The following WASF2 variants were observed in gnomAD, a reference collection of about 807,000 sequenced individuals.
WASF2 encodes the protein actin-binding protein WASF2.
A neutral mutation model predicts 45.0 loss-of-function variants in WASF2; 14 were observed. The ratio of observed to expected loss-of-function variants is 0.31; its 90% confidence interval spans 0.21 to 0.49. WASF2 has a LOEUF of 0.49. Among genes scored for constraint, WASF2 ranks in the 20% least tolerant of loss-of-function variants. The pLI is 0.99. For missense variants in WASF2, 439 were observed against 636.1 expected (o/e 0.69, Z 3.33); for synonymous variants, 200 against 236.3 (o/e 0.85, Z 1.41).
intron 1 of WASF2, among the ~76,000 whole-genome samples, chr1:27,482,280 A>T (rs2017862090): frequency 6.6e-6 from 1 of 152,238 alleles, no homozygotes; most frequent in African/African-American, 2.4e-5. Flanking sequence ...GCCCAGAGGA[A>T]TTAAGGACCA....
At chr1:27,427,546 C>T (rs2236034) in intron 2 of WASF2, among the ~76,000 whole-genome samples, 7,589 of 152,206 alleles carry the variant, frequency 0.05, 717 homozygotes, top group East Asian at 0.37. Flanking sequence ...TTGTGTAAGA[C>T]AGGCACTGGC....
chr1:27,435,956 T>C (rs1366690100), intron 1 of WASF2, among the ~76,000 whole-genome samples: 1 of 152,238 alleles, frequency 6.6e-6, no homozygotes. Context: ...CAGTTCCTCT[T>C]TGAAACATAC....
intron 1 of WASF2, among the ~76,000 whole-genome samples, chr1:27,452,430 T>A (rs750330495): frequency 1.3e-5 from 2 of 152,128 alleles, no homozygotes; most frequent in Non-Finnish European, 2.9e-5. Context: ...GGAGAATCGC[T>A]TGAACCAGGG....
intron 1 of WASF2, among the ~76,000 whole-genome samples, chr1:27,488,467 A>AG (rs2017977070): frequency 6.6e-6 from 1 of 152,194 alleles, no homozygotes; most frequent in African/African-American, 2.4e-5. Context: ...CCTCTGATGG[A>AG]GGAGAAGAAG....
chr1:27,442,191 T>C (rs1237489734), intron 1 of WASF2, among the ~76,000 whole-genome samples: 2 of 151,554 alleles, frequency 1.3e-5, no homozygotes, highest in Non-Finnish European at 2.9e-5. Flanking sequence ...TACAAAAAAA[T>C]TTTAAAATAT....
In WASF2 at chr1:27,407,455, G is replaced by A. The variant is rs1412418029; in HGVS notation, c.*734C>T. 1 of 152,678 alleles carries A rather than the reference G, an allele frequency of 6.5e-6. No homozygotes were observed. The highest frequency in any genetic ancestry group is 1.5e-5 in the Non-Finnish European group (1 of 68,102). 9.5% of individuals were successfully genotyped at this position (152,678 alleles called of 1,614,324 possible). A position where few individuals can be genotyped will look rare whatever the true frequency, so the allele number is the denominator to read the frequency against. Reference sequence around the variant, plus strand: ...TCATGGATACTAGAGGTTAAAACTGGGCTGTGTTGCCTGAAGGTATCTAGA... The same window carrying A: ...TCATGGATACTAGAGGTTAAAACTGAGCTGTGTTGCCTGAAGGTATCTAGA... On this transcript the variant is annotated 3_prime_UTR_variant, in exon 9 of 9. Transcript: ENST00000618852.
Position 27,470,191 on chromosome 1 carries a change from G to C in WASF2, c.-44+19795C>G, listed in dbSNP as rs1031508803. ...ATTATTGCGCCTGTAGTGGGAAACAGAGCTGGAAAGACAAGTAGGGGCTAG... is the reference window on the plus strand; with the variant it reads ...ATTATTGCGCCTGTAGTGGGAAACACAGCTGGAAAGACAAGTAGGGGCTAG... On this transcript the variant is annotated intron_variant, in intron 1 of 8. Coordinates refer to ENST00000618852, the MANE Select transcript of WASF2 (RefSeq NM_006990.5). 4.2e-4 allele frequency among the ~76,000 whole-genome samples: 64 copies of C among 152,246 alleles called. 4 individuals are homozygous for C. The highest frequency in any genetic ancestry group is 1.5e-5 in the Non-Finnish European group (1 of 68,044).
chr1:27,418,889 CAG>C, intron 3 of WASF2, 63 bp downstream of exon 3: 4 of 1,513,326 alleles, frequency 2.6e-6, no homozygotes, highest in Non-Finnish European at 3.6e-6. Flanking sequence ...TTAAATAAAT[CAG>C]GGAAAAAAAA....
At chr1:27,416,141 G>A in intron 4 of WASF2, 39 bp from the exon 5 acceptor site, 1 of 1,554,284 alleles carries the variant, frequency 6.4e-7, no homozygotes, top group South Asian at 1.1e-5. Context: ...TCAGTAGACA[G>A]ATGAGCTCCC....
At chr1:27,441,880 T>C (rs1259240052) in intron 1 of WASF2, among the ~76,000 whole-genome samples, 1 of 149,106 alleles carries the variant, frequency 6.7e-6, no homozygotes, top group Non-Finnish European at 1.5e-5. Flanking sequence ...GAGCCAAGAT[T>C]GTGCCACTGC....
intron 1 of WASF2, among the ~76,000 whole-genome samples, chr1:27,463,977 G>GTCAGGC (rs1160466010): frequency 2.0e-5 from 3 of 151,362 alleles, no homozygotes; most frequent in Non-Finnish European, 4.4e-5. Flanking sequence ...CTCCATGTTG[G>GTCAGGC]TCAGGCTGGT....
chr1:27,484,393 C>G (rs2017895072), intron 1 of WASF2, among the ~76,000 whole-genome samples: 1 of 152,126 alleles, frequency 6.6e-6, no homozygotes, highest in Admixed American at 6.6e-5. Flanking sequence ...TAAAAATACT[C>G]AAAATTAAAT....
In WASF2 at chr1:27,472,928, C is replaced by T. The variant is rs539432224; in HGVS notation, c.-44+17058G>A. Among the ~76,000 whole-genome samples, 608 of 144,454 alleles carry T rather than the reference C, an allele frequency of 4.2e-3. 4 individuals are homozygous for T. Among genetic ancestry groups the T allele is most frequent in the Non-Finnish European group, 6.7e-3 (450 of 66,920 alleles). The allele number at this position is 144,454 out of a possible 152,430, so 94.8% of individuals were successfully genotyped here. ...TCAAGGCTGCAGTGAGCCATGATGG[C>T]ACCACTGCATTCCAGCCTGGGAGAC... On this transcript the variant is annotated intron_variant, in intron 1 of 8. Transcript: ENST00000618852.
chr1:27,452,200 A>C (rs2017391940), intron 1 of WASF2, among the ~76,000 whole-genome samples: 1 of 152,186 alleles, frequency 6.6e-6, no homozygotes, highest in Non-Finnish European at 1.5e-5. Flanking sequence ...AATTATTTAG[A>C]GATATAGTTT....
At chr1:27,418,688 A>G (rs1156289745) in intron 3 of WASF2, among the ~76,000 whole-genome samples, 5 of 152,176 alleles carry the variant, frequency 3.3e-5, no homozygotes, top group African/African-American at 4.8e-5. Context: ...GAATCTTCCA[A>G]GTACTTTTAT....
chr1:27,448,114 T>G (rs1485715734), intron 1 of WASF2, among the ~76,000 whole-genome samples: 1 of 152,218 alleles, frequency 6.6e-6, no homozygotes, highest in African/African-American at 2.4e-5. Context: ...TGGCAGCAAA[T>G]GTAAGAAAGT....
At chr1:27,489,348 TACACACACAC>T (rs10636716) in intron 1 of WASF2, among the ~76,000 whole-genome samples, 5 of 10,104 alleles carry the variant, frequency 4.9e-4, no homozygotes, top group South Asian at 3.6e-3. Context: ...TACTTCATGG[TACACACACAC>T]ACACACACAC....
At chr1:27,437,208 T>C (rs935295176) in intron 1 of WASF2, among the ~76,000 whole-genome samples, 3 of 152,222 alleles carry the variant, frequency 2.0e-5, no homozygotes, top group Non-Finnish European at 2.9e-5. Context: ...ACCTTCAAAA[T>C]TGGTTTCTTC....
intron 1 of WASF2, among the ~76,000 whole-genome samples, chr1:27,485,935 C>T (rs1310159523): frequency 6.6e-6 from 1 of 152,204 alleles, no homozygotes; most frequent in Non-Finnish European, 1.5e-5. Context: ...TGGTCTCGAA[C>T]TCCTGACCTT....
Sources: allele counts gnomAD v4.1 joint callset (sites outside exome capture counted in the v4.1 genomes callset), GRCh38; gene constraint gnomAD v4.1.1; transcripts MANE v1.5; gene names NCBI Gene and HGNC (gene_info 2026-07-23, HGNC 2026-07-21).